PDZRN3: variants seen among roughly 807,000 people sequenced by gnomAD.
PDZRN3 encodes E3 ubiquitin-protein ligase PDZRN3.
In PDZRN3, 38 loss-of-function variants were observed where a neutral mutation model predicts 85.7. That is an observed-to-expected ratio of 0.44 (90% CI 0.34 to 0.58). The LOEUF is 0.58. Among genes scored for constraint, PDZRN3 ranks in the 20% least tolerant of loss-of-function variants. The pLI is 0.01. For missense variants in PDZRN3, 1,629 were observed against 1,506.4 expected, an observed-to-expected ratio of 1.08 and a Z score of -1.35; for synonymous variants, 759 against 638.0, an observed-to-expected ratio of 1.19 and a Z score of -2.86.
chr3:73,597,089 A>C (rs1201892799), intron 3 of PDZRN3, among the ~76,000 whole-genome samples: 4 of 152,176 alleles, frequency 2.6e-5, no homozygotes, highest in Non-Finnish European at 5.9e-5. Context: ...AACATTTTTT[A>C]AAGGGGAGTC....
At chr3:73,500,699 G>A (rs1030776992) in intron 3 of PDZRN3, among the ~76,000 whole-genome samples, 3 of 151,926 alleles carry the variant, frequency 2.0e-5, no homozygotes, top group Admixed American at 6.6e-5. Context: ...GCCAGTTCTC[G>A]CCTCCTCCCA....
intron 3 of PDZRN3, among the ~76,000 whole-genome samples, chr3:73,466,170 C>G (rs966242707): frequency 7.9e-5 from 12 of 152,250 alleles, no homozygotes; most frequent in Admixed American, 3.9e-4. Context: ...CCATTTTCCC[C>G]TACTAGAGGG....
chr3:73,424,998 C>T (rs1193279100), intron 3 of PDZRN3, among the ~76,000 whole-genome samples: 3 of 150,210 alleles, frequency 2.0e-5, no homozygotes, highest in Non-Finnish European at 4.4e-5. Context: ...TCCTTTCACT[C>T]ATCCACTCAT....
chr3:73,485,290 A>G (rs1315506552), intron 3 of PDZRN3, among the ~76,000 whole-genome samples: 2 of 150,040 alleles, frequency 1.3e-5, no homozygotes, highest in Non-Finnish European at 1.5e-5. Flanking sequence ...TATAATTGGT[A>G]ATATCAAAAT....
At chr3:73,469,584 T>C (rs199507661) in intron 3 of PDZRN3, among the ~76,000 whole-genome samples, 7 of 152,324 alleles carry the variant, frequency 4.6e-5, no homozygotes, top group Middle Eastern at 3.4e-3. Context: ...CCAAAAGCTT[T>C]TGGCCAACTC....
At chr3:73,473,282 AT>A (rs1214806453) in intron 3 of PDZRN3, among the ~76,000 whole-genome samples, 1 of 152,008 alleles carries the variant, frequency 6.6e-6, no homozygotes, top group Non-Finnish European at 1.5e-5. Context: ...CAGGGCCAAT[AT>A]TTGGTGCAAG....
intron 3 of PDZRN3, among the ~76,000 whole-genome samples, chr3:73,502,562 C>A (rs995731072): frequency 1.3e-5 from 2 of 152,202 alleles, no homozygotes; most frequent in Admixed American, 1.3e-4. Context: ...TTCCCTTCAA[C>A]TCCCTCCCTT....
At chr3:73,467,526 A>C (rs1023542263) in intron 3 of PDZRN3, among the ~76,000 whole-genome samples, 1 of 152,212 alleles carries the variant, frequency 6.6e-6, no homozygotes. Context: ...GCAGGCCTTG[A>C]GTTAACACTG....
chr3:73,594,708 C>A (rs76979859), intron 3 of PDZRN3, among the ~76,000 whole-genome samples: 66,287 of 151,434 alleles, frequency 0.44, 15,214 homozygotes, highest in East Asian at 0.54. Context: ...AGAAGTCTTA[C>A]CTGTGTTAGA....
At chr3:73,617,109 G>T (rs1702775064) in intron 1 of PDZRN3, among the ~76,000 whole-genome samples, 1 of 152,122 alleles carries the variant, frequency 6.6e-6, no homozygotes. Flanking sequence ...AAAATACTAG[G>T]GGTGATCTCC....
rs1559762138 is a variant in PDZRN3 at position 73,624,427 on chromosome 3, G to GCGTCGCAC, written c.398_399insGTGCGACG (p.Arg137AlafsTer17). The GCGTCGCAC allele has an allele frequency of 3.8e-6, 5 of 1,306,098 alleles. No homozygotes were observed. Among genetic ancestry groups the GCGTCGCAC allele is most frequent in the Admixed American group, 4.1e-5 (1 of 24,098 alleles). The allele number at this position is 1,306,098 out of a possible 1,614,324, so 80.9% of individuals were successfully genotyped here. A position where few individuals can be genotyped will look rare whatever the true frequency, so the allele number is the denominator to read the frequency against. On this transcript the variant is annotated frameshift_variant, in exon 1 of 10. Transcript: ENST00000263666. LOFTEE classifies it high-confidence loss of function. ...AGCGGCCCACTGGCCGCGCGTCGCA[G>GCGTCGCAC]GCGTCGCGCATGTGCGCCTCCACGT...
chr3:73,568,215 T>C (rs1701982573), intron 3 of PDZRN3, among the ~76,000 whole-genome samples: 1 of 152,130 alleles, frequency 6.6e-6, no homozygotes, highest in Non-Finnish European at 1.5e-5. Flanking sequence ...ATGGTGCAGA[T>C]CATCACTAAC....
intron 3 of PDZRN3, among the ~76,000 whole-genome samples, chr3:73,595,444 A>G (rs184209016): frequency 2.0e-5 from 3 of 152,258 alleles, no homozygotes; most frequent in African/African-American, 7.2e-5. Flanking sequence ...TCTAACATTA[A>G]CCAAAAATGG....
intron 5 of PDZRN3, among the ~76,000 whole-genome samples, chr3:73,394,844 T>C (rs1701603491): frequency 6.6e-6 from 1 of 152,242 alleles, no homozygotes; most frequent in Admixed American, 6.5e-5. Flanking sequence ...ATAATAGGCT[T>C]TCAGAAGCTC....
In PDZRN3 at chr3:73,404,177, G is replaced by A. The variant is rs749686351; in HGVS notation, c.1137C>T (p.Pro379=). ...ALTKMSSPSP[P]VLDPYLLPEE... is the part of the protein sequence containing the mutation. ...CTGGCAAGAGATAGGGATCCAGCAC[G>A]GGTGGGCTGGGAGAGGACATCTTAG... The change falls in exon 4 of 10, where the codon CCC becomes CCT. Residue 379 remains proline (P), a synonymous_variant. Coordinates refer to ENST00000263666, the MANE Select transcript of PDZRN3 (RefSeq NM_015009.3). 3.0e-5 allele frequency: 49 copies of A among 1,613,628 alleles called. No individual in the cohort carries two copies. The highest frequency in any genetic ancestry group is 3.3e-4 in the Middle Eastern group (2 of 6,082).
chr3:73,434,111 T>G, intron 3 of PDZRN3: 1 of 242,944 alleles, frequency 4.1e-6, no homozygotes, highest in South Asian at 1.5e-4. Flanking sequence ...ACTATGACAG[T>G]TGAAATTTCT....
chr3:73,541,011 T>G (rs544603449), intron 3 of PDZRN3, among the ~76,000 whole-genome samples: 1 of 152,242 alleles, frequency 6.6e-6, no homozygotes, highest in Admixed American at 6.5e-5. Flanking sequence ...TCTACTCTAA[T>G]GTATGCTAAA....
chr3:73,619,728 G>A (rs1007763964), intron 1 of PDZRN3, among the ~76,000 whole-genome samples: 2 of 152,184 alleles, frequency 1.3e-5, no homozygotes, highest in African/African-American at 4.8e-5. Context: ...CAGGCAGGTG[G>A]AAGCCGGTAG....
intron 3 of PDZRN3, among the ~76,000 whole-genome samples, chr3:73,527,052 A>T (rs2106744211): frequency 6.6e-6 from 1 of 152,246 alleles, no homozygotes; most frequent in East Asian, 1.9e-4. Context: ...CATGCTGGCC[A>T]GGCTGGACTC....
Sources: allele counts gnomAD v4.1 joint callset (sites outside exome capture counted in the v4.1 genomes callset), GRCh38; gene constraint gnomAD v4.1.1; transcripts MANE v1.5; gene names NCBI Gene and HGNC (gene_info 2026-07-23, HGNC 2026-07-21).